IGF1R: variants seen among roughly 807,000 people sequenced by gnomAD.
IGF1R encodes insulin-like growth factor 1 receptor.
In IGF1R, 44 loss-of-function variants were observed where a neutral mutation model predicts 144.6. The observed-to-expected ratio is 0.30, with a 90% CI of 0.24 to 0.39. The LOEUF is 0.39. Among genes scored for constraint, IGF1R ranks in the 10% least tolerant of loss-of-function variants. The pLI is 1.00. For missense variants in IGF1R, 1,355 were observed against 1,833.7 expected (o/e 0.74, Z 4.77); for synonymous variants, 795 against 722.8 (o/e 1.10, Z -1.60).
intron 2 of IGF1R, among the ~76,000 whole-genome samples, chr15:98,868,371 G>GA (rs1491283017): frequency 1.6e-4 from 3 of 18,564 alleles, no homozygotes; most frequent in Non-Finnish European, 4.2e-4. Flanking sequence ...TTTTTTTTTT[G>GA]GGGGGGGGGT....
chr15:98,669,425 C>T (rs117390984), intron 1 of IGF1R, among the ~76,000 whole-genome samples: 2 of 152,300 alleles, frequency 1.3e-5, no homozygotes, highest in East Asian at 1.9e-4. Flanking sequence ...CTTTTCTTGC[C>T]ACCCTGGGCT....
At chr15:98,871,542 A>G (rs1367503896) in intron 2 of IGF1R, among the ~76,000 whole-genome samples, 3 of 152,224 alleles carry the variant, frequency 2.0e-5, no homozygotes, top group Non-Finnish European at 4.4e-5. Context: ...ACTGCTGATA[A>G]AGACATACTC....
chr15:98,932,740 C>G (rs539016907), intron 15 of IGF1R, among the ~76,000 whole-genome samples: 1 of 152,344 alleles, frequency 6.6e-6, no homozygotes, highest in Admixed American at 6.5e-5. Flanking sequence ...GCCTCTTCTT[C>G]AGGGGTGCAA....
intron 2 of IGF1R, among the ~76,000 whole-genome samples, chr15:98,776,807 G>C (rs1442630449): frequency 6.6e-6 from 1 of 152,182 alleles, no homozygotes. Flanking sequence ...AAGCCCAAAA[G>C]AGAACCACAT....
rs2018860 is a variant in IGF1R at position 98,715,481 on chromosome 15, A to G, written c.640+7374A>G. Among the ~76,000 whole-genome samples the G allele has an allele frequency of 2.3e-3, 356 of 151,986 alleles. 2 individuals carry two copies. The highest frequency in any genetic ancestry group is 4.0e-3 in the Non-Finnish European group (271 of 67,970). ...CTCACCAGTTAAACCTATTTGTACA[A>G]TTGTTCTGGTTTCTTCCTGTGCTTG... On this transcript the variant is annotated intron_variant, in intron 2 of 20. Transcript: ENST00000650285.
At chr15:98,768,821 G>C (rs1446127941) in intron 2 of IGF1R, among the ~76,000 whole-genome samples, 1 of 149,522 alleles carries the variant, frequency 6.7e-6, no homozygotes, top group African/African-American at 2.5e-5. Flanking sequence ...CCAGCTACTC[G>C]GGAGGCTGAG....
intron 1 of IGF1R, among the ~76,000 whole-genome samples, chr15:98,694,130 C>T (rs1567079657): frequency 1.3e-5 from 2 of 152,096 alleles, no homozygotes; most frequent in Non-Finnish European, 2.9e-5. Context: ...ACTTTTATTC[C>T]TCTGGATTTT....
At chr15:98,845,137 A>AGTAGCACC (rs1356945007) in intron 2 of IGF1R, among the ~76,000 whole-genome samples, 16 of 152,332 alleles carry the variant, frequency 1.1e-4, no homozygotes, top group Admixed American at 9.1e-4. Flanking sequence ...GTAGACGGTC[A>AGTAGCACC]GTAGCACCGA....
chr15:98,751,043 G>A lies in IGF1R; in HGVS notation c.640+42936G>A, dbSNP rs189257237. 3.9e-5 allele frequency among the ~76,000 whole-genome samples: 6 copies of A among 152,064 alleles called. No individual in the cohort carries two copies. In the East Asian group the frequency reaches 9.7e-4, roughly 25 times the overall value. ...TGGCCTCAAGTGATCCACCCACCTC[G>A]GCCTCCCAAAGTCCTGGGATTACAG... On this transcript the variant is annotated intron_variant, in intron 2 of 20. Coordinates refer to ENST00000650285, the MANE Select transcript of IGF1R (RefSeq NM_000875.5).
intron 1 of IGF1R, chr15:98,650,979 G>T: frequency 3.0e-6 from 3 of 985,242 alleles, no homozygotes; most frequent in Non-Finnish European, 3.6e-6. Context: ...TGAAAAAGTT[G>T]AAAGTGTGGC....
chr15:98,911,580 C>T, intron 7 of IGF1R, 139 bp downstream of exon 7: 1 of 1,097,544 alleles, frequency 9.1e-7, no homozygotes, highest in East Asian at 2.4e-5. Flanking sequence ...AACATCCCTA[C>T]TTCATCCTCA....
rs71149420 is a variant in IGF1R at position 98,783,958 on chromosome 15, ATTTTTTTTTTTTTTTTTT to A, written c.640+75868_640+75885del. On this transcript the variant is annotated intron_variant, in intron 2 of 20. Coordinates refer to ENST00000650285, the MANE Select transcript of IGF1R (RefSeq NM_000875.5). ...TATTGCAAATACTATGGCATCTGAAATTTTTTTTTTTTTTTTTTTTTTTTTTTTTTTTTTGAGATGGAG... is the reference window on the plus strand; with the variant it reads ...TATTGCAAATACTATGGCATCTGAAATTTTTTTTTTTTTTTTGAGATGGAG... Among the ~76,000 whole-genome samples the A allele has an allele frequency of 9.1e-5, 5 of 54,744 alleles. No homozygotes were observed. The Admixed American group carries it at 9.6e-4, about 11-fold the overall frequency. 35.9% of individuals were successfully genotyped at this position (54,744 alleles called of 152,430 possible).
intron 1 of IGF1R, among the ~76,000 whole-genome samples, chr15:98,680,861 G>A (rs1319856725): frequency 1.1e-5 from 1 of 92,356 alleles, no homozygotes; most frequent in African/African-American, 4.3e-5. Flanking sequence ...CTGGCCATAT[G>A]TACTTTTTTT....
intron 8 of IGF1R, among the ~76,000 whole-genome samples, chr15:98,914,176 T>G (rs569870779): frequency 6.6e-6 from 1 of 152,296 alleles, no homozygotes; most frequent in African/African-American, 2.4e-5. Flanking sequence ...ATTCCATTCA[T>G]GAGGGCTTCA....
At chr15:98,708,787 C>T (rs2053926122) in intron 2 of IGF1R, among the ~76,000 whole-genome samples, 1 of 152,166 alleles carries the variant, frequency 6.6e-6, no homozygotes, top group Non-Finnish European at 1.5e-5. Flanking sequence ...CTCTGGGATT[C>T]TGTTTTCGTT....
intron 2 of IGF1R, among the ~76,000 whole-genome samples, chr15:98,747,766 T>G (rs2054905624): frequency 6.6e-6 from 1 of 152,226 alleles, no homozygotes; most frequent in South Asian, 2.1e-4. Flanking sequence ...GCTGTATTTC[T>G]CAAGAGCTAG....
rs561517500 is a variant in IGF1R, at chr15:98,960,911, C to G, written c.*3469C>G. 8 of 233,982 alleles carry G rather than the reference C, an allele frequency of 3.4e-5. No homozygotes were observed. Among genetic ancestry groups the G allele is most frequent in the South Asian group, 1.8e-4 (1 of 5,542 alleles). 14.5% of individuals were successfully genotyped at this position (233,982 alleles called of 1,614,324 possible). ...CCGAGGCTCGTGGCGTCACGCCCCC[C>G]CCGCCAGGGCTGTACCTCCGTCTCC... On this transcript the variant is annotated 3_prime_UTR_variant, in exon 21 of 21. Coordinates refer to ENST00000650285, the MANE Select transcript of IGF1R (RefSeq NM_000875.5).
intron 2 of IGF1R, among the ~76,000 whole-genome samples, chr15:98,861,339 CCTA>C (rs2012143107): frequency 6.6e-6 from 1 of 152,186 alleles, no homozygotes; most frequent in African/African-American, 2.4e-5. Context: ...CTTCTCCCCT[CCTA>C]CTATTAGCTC....
At position 98,924,599 on chromosome 15, in the gene IGF1R, G is replaced by A. The variant is rs139988223; in HGVS notation, c.2697G>A (p.Gly899=). 3.7e-6 allele frequency: 6 copies of A among 1,613,928 alleles called. No individual in the cohort carries two copies. In the African/African-American group the frequency reaches 6.7e-5, roughly 18 times the overall value. The part of the protein sequence containing the change: ...GGAKLNRLNP[G]NYTARIQATS... ...CCAAGCTAAACCGGCTAAACCCGGGGAACTACACAGCCCGGATTCAGGCCA... is the reference window on the plus strand; with the variant it reads ...CCAAGCTAAACCGGCTAAACCCGGGAAACTACACAGCCCGGATTCAGGCCA... The change falls in exon 13 of 21, where the codon GGG becomes GGA. Residue 899 remains glycine, a synonymous_variant. Transcript: ENST00000650285.
Sources: allele counts gnomAD v4.1 joint callset (sites outside exome capture counted in the v4.1 genomes callset), GRCh38; gene constraint gnomAD v4.1.1; transcripts MANE v1.5; gene names NCBI Gene and HGNC (gene_info 2026-07-23, HGNC 2026-07-21).